The following SH3BGRL variants were observed in gnomAD, a reference collection of about 807,000 sequenced individuals.
The protein encoded by SH3BGRL is adapter SH3BGRL.
SH3BGRL carries 7 observed loss-of-function variants against 9.8 expected under a neutral mutation model. That is an observed-to-expected ratio of 0.72 (90% CI 0.41 to 1.35). The LOEUF (loss-of-function observed/expected upper bound fraction) is 1.35, where lower values mean the gene tolerates loss of function less well. Among genes scored for constraint, SH3BGRL ranks in the 40% most tolerant of loss-of-function variants. The probability of loss-of-function intolerance (pLI) is 0.01; values close to 1 mark genes in which losing one functional copy is unlikely to be tolerated. For missense variants in SH3BGRL, 73 were observed against 84.4 expected (o/e 0.86, Z 0.53); for synonymous variants, 36 against 29.1 (o/e 1.24, Z -0.76).
rs374515922 is a variant in SH3BGRL at position 81,260,262 on chromosome X, T to C, written c.46-16722T>C. On this transcript the variant is annotated intron_variant, in intron 1 of 3. Transcript: ENST00000373212. The stretch of plus-strand genomic sequence containing the variant: ...GTTATTCGTAGGCTTAGTGTTTAAA[T>C]GGTGCTTTTTGGTCTGACAGAGCAT... Among the ~76,000 whole-genome samples, 181 of 111,300 alleles carry C rather than the reference T, an allele frequency of 1.6e-3. 2 individuals carry two copies. In the South Asian group the frequency reaches 0.065, roughly 40 times the overall value.
intron 1 of SH3BGRL, among the ~76,000 whole-genome samples, chrX:81,222,928 G>A (rs2075604745): frequency 8.9e-6 from 1 of 112,242 alleles, no homozygotes; most frequent in African/African-American, 3.2e-5. Context: ...TGCCAGTGAT[G>A]ATGAGCATTT....
intron 1 of SH3BGRL, among the ~76,000 whole-genome samples, chrX:81,257,771 C>T (rs1456122987): frequency 9.0e-6 from 1 of 110,748 alleles, no homozygotes; most frequent in Non-Finnish European, 1.9e-5. Flanking sequence ...GGGAAGCATA[C>T]AAGGGAGTGA....
intron 3 of SH3BGRL, among the ~76,000 whole-genome samples, chrX:81,285,516 G>C (rs1053790298): frequency 4.5e-5 from 5 of 111,444 alleles, no homozygotes; most frequent in Non-Finnish European, 9.4e-5. Context: ...CCTATACGTG[G>C]AAAAAGCTTC....
intron 1 of SH3BGRL, among the ~76,000 whole-genome samples, chrX:81,272,836 C>T (rs1006147388): frequency 9.0e-6 from 1 of 111,438 alleles, no homozygotes; most frequent in Admixed American, 9.5e-5. Flanking sequence ...AGTGACCCTT[C>T]CTAGGGTAGC....
intron 1 of SH3BGRL, among the ~76,000 whole-genome samples, chrX:81,274,484 G>A (rs761843034): frequency 6.3e-4 from 69 of 110,093 alleles, no homozygotes; most frequent in Non-Finnish European, 1.1e-3. Context: ...GGTGGTGTGC[G>A]CCTGTAATCC....
chrX:81,285,003 A>AT (rs1355736898), intron 3 of SH3BGRL, among the ~76,000 whole-genome samples: 11 of 111,122 alleles, frequency 9.9e-5, no homozygotes, highest in Non-Finnish European at 1.5e-4. Context: ...CTGGGTTAAC[A>AT]AGAATAGGTG....
At chrX:81,285,167 A>C (rs1018883704) in intron 3 of SH3BGRL, among the ~76,000 whole-genome samples, 1 of 111,606 alleles carries the variant, frequency 9.0e-6, no homozygotes, top group Non-Finnish European at 1.9e-5. Flanking sequence ...CCCCTTTAAC[A>C]GGATAATAAG....
At chrX:81,280,344 G>A (rs1346285545) in intron 3 of SH3BGRL, among the ~76,000 whole-genome samples, 2 of 111,301 alleles carry the variant, frequency 1.8e-5, no homozygotes, top group East Asian at 5.7e-4. Context: ...TTTCTGGAAA[G>A]CGCCACCTCC....
chrX:81,209,359 A>G (rs757424631), intron 1 of SH3BGRL, among the ~76,000 whole-genome samples: 6 of 111,885 alleles, frequency 5.4e-5, no homozygotes, highest in African/African-American at 2.0e-4. Context: ...TATGCATTGT[A>G]TATGTCAGGC....
intron 1 of SH3BGRL, among the ~76,000 whole-genome samples, chrX:81,254,651 T>G (rs189670606): frequency 2.7e-5 from 3 of 111,698 alleles, no homozygotes; most frequent in African/African-American, 9.8e-5. Flanking sequence ...TCAGGTATGA[T>G]GATTACCATG....
At chrX:81,225,647 C>T (rs2075614485) in intron 1 of SH3BGRL, among the ~76,000 whole-genome samples, 1 of 111,185 alleles carries the variant, frequency 9.0e-6, no homozygotes, top group South Asian at 3.7e-4. Context: ...GTTTCTTTAT[C>T]CAATCATCCA....
chrX:81,224,563 A>T (rs756384351), intron 1 of SH3BGRL, among the ~76,000 whole-genome samples: 84 of 111,148 alleles, frequency 7.6e-4, no homozygotes, highest in African/African-American at 2.6e-3. Flanking sequence ...CTGAGGCACA[A>T]GTTACGTGCT....
intron 1 of SH3BGRL, among the ~76,000 whole-genome samples, chrX:81,238,820 GA>G: frequency 1.8e-5 from 2 of 109,953 alleles, no homozygotes; most frequent in East Asian, 5.8e-4. Flanking sequence ...GAGAGAGAGA[GA>G]GAGAGGGAGA....
At chrX:81,284,982 G>A (rs1254480778) in intron 3 of SH3BGRL, among the ~76,000 whole-genome samples, 1 of 110,863 alleles carries the variant, frequency 9.0e-6, no homozygotes, top group Non-Finnish European at 1.9e-5. Context: ...GGGCAAGAAG[G>A]ACCTGATAGA....
intron 1 of SH3BGRL, among the ~76,000 whole-genome samples, chrX:81,242,664 C>T (rs1160742420): frequency 3.6e-5 from 4 of 111,413 alleles, no homozygotes; most frequent in African/African-American, 1.3e-4. Flanking sequence ...TATTTGCAAA[C>T]TATCCATCTG....
chrX:81,251,608 G>T (rs1420822626), intron 1 of SH3BGRL, among the ~76,000 whole-genome samples: 1 of 111,527 alleles, frequency 9.0e-6, no homozygotes, highest in Non-Finnish European at 1.9e-5. Context: ...GAGACACAGT[G>T]CTTAGTGTCA....
rs755050113 is a variant in SH3BGRL at position 81,254,200 on chromosome X, A to G, written c.46-22784A>G. 8.0e-5 allele frequency among the ~76,000 whole-genome samples: 9 copies of G among 112,410 alleles called. No individual in the cohort carries two copies. The South Asian group carries it at 2.2e-3, about 28-fold the overall frequency. On this transcript the variant is annotated intron_variant, in intron 1 of 3. Transcript: ENST00000373212. Reference sequence around the variant, plus strand: ...TGCACAGAAATTCAGTAATGAGCCCATAGAATTATATGACCCAAGCCCCTT... The same window carrying G: ...TGCACAGAAATTCAGTAATGAGCCCGTAGAATTATATGACCCAAGCCCCTT...
In SH3BGRL at chrX:81,297,263, G is replaced by T; in HGVS notation, c.*36G>T. The stretch of plus-strand genomic sequence containing the variant: ...CTGTGCTTTAAGCATCCTGAAAAAT[G>T]AGTCTCCATTGCTTTTATAAAATAG... On this transcript the variant is annotated 3_prime_UTR_variant, in exon 4 of 4. Coordinates refer to ENST00000373212, the MANE Select transcript of SH3BGRL (RefSeq NM_003022.3). 8.9e-7 allele frequency: 1 copy of T among 1,129,373 alleles called. No homozygotes were observed. Among genetic ancestry groups the T allele is most frequent in the Non-Finnish European group, 1.2e-6 (1 of 826,556 alleles). The allele number at this position is 1,129,373 out of a possible 1,213,427, so 93.1% of individuals were successfully genotyped here.
At chrX:81,237,237 T>A in intron 1 of SH3BGRL, 1 of 349,863 alleles carries the variant, frequency 2.9e-6, no homozygotes, top group Non-Finnish European at 5.3e-6. Flanking sequence ...TTAACAACTA[T>A]CTACATGCAC....
Sources: gnomAD v4.1 joint callset for allele counts (sites outside exome capture counted in the v4.1 genomes callset) on GRCh38, gnomAD v4.1.1 for gene constraint, MANE v1.5 for transcripts, NCBI Gene and HGNC (gene_info 2026-07-23, HGNC 2026-07-21) for gene names.